The following SUPT16H variants were observed in gnomAD, a reference collection of about 807,000 sequenced individuals.
SUPT16H encodes the protein SPT16 homolog, facilitates chromatin remodeling subunit.
In SUPT16H, 24 loss-of-function variants were observed where a neutral mutation model predicts 136.2. The ratio of observed to expected loss-of-function variants is 0.18; its 90% confidence interval spans 0.13 to 0.25. The LOEUF (loss-of-function observed/expected upper bound fraction) is 0.25. Ranked by LOEUF, SUPT16H falls within the 10% of genes least tolerant of loss-of-function variation. The probability of loss-of-function intolerance (pLI) is 1.00; values close to 1 mark genes in which losing one functional copy is unlikely to be tolerated. For synonymous variants in SUPT16H, 415 were observed against 428.2 expected, an observed-to-expected ratio of 0.97 and a Z score of 0.38; for missense variants, 623 against 1,270.2, an observed-to-expected ratio of 0.49 and a Z score of 7.74.
chr14:21,365,699 G>GATAAAATACATTTGAGAAATGT (rs1261550250), intron 8 of SUPT16H, among the ~76,000 whole-genome samples: 18 of 152,064 alleles, frequency 1.2e-4, no homozygotes, highest in Non-Finnish European at 1.6e-4. Flanking sequence ...GGTGTTCAGT[G>GATAAAATACATTTGAGAAATGT]ATAAAATACA....
chr14:21,379,982 A>G (rs1566397236), intron 1 of SUPT16H, among the ~76,000 whole-genome samples: 1 of 152,182 alleles, frequency 6.6e-6, no homozygotes, highest in Non-Finnish European at 1.5e-5. Flanking sequence ...GAAGTAATCC[A>G]CTGCCTGACT....
chr14:21,370,352 T>C lies in SUPT16H; in HGVS notation c.467A>G (p.Lys156Arg), dbSNP rs377180638. ...FMKSWNDCLN[K>R]EGFDKIDISA... is the part of the protein sequence containing the mutation. ...TATTCTTACTTTGTCAAAGCCTTCT[T>C]TGTTGAGGCAGTCATTCCAGCTCTT... is the stretch of plus-strand genomic sequence containing the variant. Residue 156 changes from lysine to arginine, a missense_variant, in exon 4 of 26, where the codon AAA becomes AGA. By Grantham distance (26) the Lys-to-Arg change is conservative. Around this residue, in one of 7 missense-constraint regions of SUPT16H, gnomAD observed 343 missense variants for 525.7 expected, o/e 0.65. Coordinates refer to ENST00000216297, the MANE Select transcript of SUPT16H (RefSeq NM_007192.4). The C allele has an allele frequency of 6.2e-7, 1 of 1,611,644 alleles. No homozygotes were observed. The highest frequency in any genetic ancestry group is 1.3e-5 in the African/African-American group (1 of 74,816).
At chr14:21,379,330 GGA>G (rs2139419957) in intron 1 of SUPT16H, among the ~76,000 whole-genome samples, 1 of 151,984 alleles carries the variant, frequency 6.6e-6, no homozygotes, top group African/African-American at 2.4e-5. Context: ...CAACTACTCA[GGA>G]GGCTGAGACA....
chr14:21,366,287 T>C, intron 8 of SUPT16H, 152 bp downstream of exon 8: 3 of 722,634 alleles, frequency 4.2e-6, no homozygotes, highest in Non-Finnish European at 6.9e-6. Flanking sequence ...CTGTCTCACC[T>C]TCTCTGATAA....
intron 1 of SUPT16H, among the ~76,000 whole-genome samples, chr14:21,375,277 A>C (rs1056514705): frequency 5.9e-5 from 9 of 151,984 alleles, no homozygotes; most frequent in African/African-American, 2.2e-4. Context: ...GGCCTCCTGA[A>C]GTGCTGGGAT....
rs1207552060 is a variant in SUPT16H, at chr14:21,358,220, GGATAT to G, written c.2414+90_2414+94del. On this transcript the variant is annotated intron_variant, in intron 20 of 25. Coordinates refer to ENST00000216297, the MANE Select transcript of SUPT16H (RefSeq NM_007192.4). ...AAAGATTATTAGTCATAGGAAAAAAGGATATGATATGTTAAATTATTATTAAAGGA... is the reference window on the plus strand; with the variant it reads ...AAAGATTATTAGTCATAGGAAAAAAGGATATGTTAAATTATTATTAAAGGA... The G allele has an allele frequency of 1.8e-5, 16 of 884,610 alleles. No homozygotes were observed. In the African/African-American group the frequency reaches 2.1e-4, roughly 11 times the overall value. 54.8% of individuals were successfully genotyped at this position (884,610 alleles called of 1,614,324 possible). A position where few individuals can be genotyped will look rare whatever the true frequency, so the allele number is the denominator to read the frequency against.
chr14:21,380,079 CTA>C (rs1213830498), intron 1 of SUPT16H, among the ~76,000 whole-genome samples: 5 of 152,098 alleles, frequency 3.3e-5, no homozygotes, highest in African/African-American at 1.2e-4. Flanking sequence ...AAACATTTTT[CTA>C]TGTCATTACC....
chr14:21,366,369 G>A, intron 8 of SUPT16H, 70 bp downstream of exon 8: 2 of 1,433,278 alleles, frequency 1.4e-6, no homozygotes, highest in Non-Finnish European at 2.0e-6. Context: ...TTAGCCTAAA[G>A]AAATAAGACT....
At position 21,353,584 on chromosome 14, in the gene SUPT16H, A is replaced by T. The variant is rs2139393583; in HGVS notation, c.2921-19T>A. On this transcript the variant is annotated intron_variant, in intron 24 of 25. Coordinates refer to ENST00000216297, the MANE Select transcript of SUPT16H (RefSeq NM_007192.4). ...GAATAGTCTGGAAGAAAATTAATTA[A>T]GCGTTAGTCATCATGCGGGAACAGA... The T allele has an allele frequency of 6.2e-7, 1 of 1,612,184 alleles. No individual in the cohort carries two copies. Among genetic ancestry groups the T allele is most frequent in the East Asian group, 2.2e-5 (1 of 44,862 alleles).
At chr14:21,377,824 A>G (rs532901878) in intron 1 of SUPT16H, among the ~76,000 whole-genome samples, 48 of 152,274 alleles carry the variant, frequency 3.2e-4, no homozygotes, top group African/African-American at 1.1e-3. Context: ...GGGTTTCGCC[A>G]TGTCGGCCAG....
chr14:21,361,327 T>G, intron 15 of SUPT16H, 114 bp from the exon 16 acceptor site: 1 of 1,336,650 alleles, frequency 7.5e-7, no homozygotes, highest in Non-Finnish European at 1.0e-6. Context: ...TTTTTTTTTT[T>G]TTTTTTTGAG....
intron 1 of SUPT16H, among the ~76,000 whole-genome samples, chr14:21,379,616 G>A (rs1025466767): frequency 2.0e-5 from 3 of 151,988 alleles, no homozygotes; most frequent in Admixed American, 1.3e-4. Flanking sequence ...ACTTTGGGAT[G>A]CCGAGGTGGG....
At chr14:21,368,463 A>T in intron 6 of SUPT16H, 22 bp from the exon 7 acceptor site, 1 of 1,577,172 alleles carries the variant, frequency 6.3e-7, no homozygotes, top group Admixed American at 1.9e-5. Context: ...CAAAGAAAGA[A>T]AACATTTCAT....
At chr14:21,357,461 G>A in intron 21 of SUPT16H, 95 bp from the exon 22 acceptor site, 1 of 1,270,264 alleles carries the variant, frequency 7.9e-7, no homozygotes, top group Non-Finnish European at 1.0e-6. Context: ...CTACATAAAA[G>A]ATAACTTAAG....
Position 21,369,423 on chromosome 14 carries a change from T to A in SUPT16H, c.631-68A>T, listed in dbSNP as rs1886740023. 29 of 1,578,574 alleles carry A rather than the reference T, an allele frequency of 1.8e-5. No homozygotes were observed. The South Asian group carries it at 3.3e-4, about 18-fold the overall frequency. ...AGCAAAGCGGGGTGTGTGGACACTATGATTTGAAGACAAAATGTATCCTTG... is the reference window on the plus strand; with the variant it reads ...AGCAAAGCGGGGTGTGTGGACACTAAGATTTGAAGACAAAATGTATCCTTG... On this transcript the variant is annotated intron_variant, in intron 5 of 25. Coordinates refer to ENST00000216297, the MANE Select transcript of SUPT16H (RefSeq NM_007192.4).
At chr14:21,357,104 A>T (rs189713910) in intron 22 of SUPT16H, 93 bp downstream of exon 22, 26 of 1,274,746 alleles carry the variant, frequency 2.0e-5, no homozygotes, top group Non-Finnish European at 2.6e-5. Flanking sequence ...CACTTTAAGT[A>T]TATCAGTAGA....
At chr14:21,362,361 C>A in intron 14 of SUPT16H, 37 bp from the exon 15 acceptor site, 3 of 1,593,660 alleles carry the variant, frequency 1.9e-6, no homozygotes, top group East Asian at 2.3e-5. Context: ...AAACAGATTT[C>A]TTTCCTAGAG....
intron 7 of SUPT16H, among the ~76,000 whole-genome samples, chr14:21,367,750 T>C (rs1042834597): frequency 6.6e-6 from 1 of 152,250 alleles, no homozygotes. Context: ...GAGAGGTTTC[T>C]ATAAACATCA....
intron 10 of SUPT16H, among the ~76,000 whole-genome samples, chr14:21,363,880 T>C (rs1886610337): frequency 1.3e-5 from 2 of 152,138 alleles, no homozygotes; most frequent in Admixed American, 6.5e-5. Context: ...GGATTCACCA[T>C]GTTGGTCAGG....
Sources: gnomAD v4.1 joint callset for allele counts (sites outside exome capture counted in the v4.1 genomes callset) on GRCh38, gnomAD v4.1.1 for gene constraint, gnomAD v4.1.1 regional missense constraint, MANE v1.5 for transcripts, NCBI Gene and HGNC (gene_info 2026-07-23, HGNC 2026-07-21) for gene names.